The following NPIPB2 variants were observed in gnomAD, a reference collection of about 807,000 sequenced individuals.
NPIPB2 encodes nuclear pore complex-interacting protein family member B2.
Under a neutral mutation model 30.8 loss-of-function variants are expected in NPIPB2, and 27 were observed. The ratio of observed to expected loss-of-function variants is 0.88; its 90% CI spans 0.65 to 1.21. The LOEUF (loss-of-function observed/expected upper bound fraction) is 1.21. Ranked by LOEUF, NPIPB2 falls within the 50% of genes most tolerant of loss-of-function variation. The pLI is 0.00. For missense variants in NPIPB2, 440 were observed against 446.2 expected (o/e 0.99, Z 0.13); for synonymous variants, 147 against 162.0 (o/e 0.91, Z 0.70).
chr16:11,927,437 GA>G lies in NPIPB2; in HGVS notation c.1129del (p.Ser377HisfsTer10). On this transcript the variant is annotated frameshift_variant, in exon 8 of 8. Coordinates refer to ENST00000399147, the Ensembl canonical transcript of NPIPB2. LOFTEE classifies it high-confidence loss of function. The stretch of plus-strand genomic sequence containing the variant: ...CCTCCGCCTCTTGGGCTCGGGTGAT[GA>G]TGGTTCCACCTCAGCGGCCCTCCGC... 1 of 1,233,012 alleles carries G rather than the reference GA, an allele frequency of 8.1e-7. No individual in the cohort carries two copies. The highest frequency in any genetic ancestry group is 1.3e-5 in the South Asian group (1 of 77,778). The allele number at this position is 1,233,012 out of a possible 1,614,324, so 76.4% of individuals were successfully genotyped here.
At chr16:11,972,342 G>A (rs1038707724) in intron 1 of NPIPB2, among the ~76,000 whole-genome samples, 34 of 152,204 alleles carry the variant, frequency 2.2e-4, no homozygotes, top group African/African-American at 6.5e-4. Flanking sequence ...ATGGGAGGCC[G>A]AGGTGGGCAG....
intron 1 of NPIPB2, among the ~76,000 whole-genome samples, chr16:11,953,052 C>T (rs769805872): frequency 1.3e-5 from 2 of 152,150 alleles, no homozygotes; most frequent in African/African-American, 4.8e-5. Flanking sequence ...CGCTTCTGGT[C>T]CCTGTTCAGG....
At chr16:11,968,140 A>G in intron 1 of NPIPB2, 1 of 312,970 alleles carries the variant, frequency 3.2e-6, no homozygotes, top group Non-Finnish European at 5.9e-6. Flanking sequence ...AGGGTGGGAG[A>G]GAAAGGTGGG....
upstream of NPIPB2, among the ~76,000 whole-genome samples, chr16:11,943,147 C>T (rs1596496133): frequency 1.3e-5 from 2 of 151,660 alleles, no homozygotes; most frequent in East Asian, 3.9e-4. Flanking sequence ...TGGTGAAACC[C>T]TGTCTCTAAT....
intron 1 of NPIPB2, among the ~76,000 whole-genome samples, chr16:11,960,519 G>A (rs1383345534): frequency 6.6e-6 from 1 of 151,858 alleles, no homozygotes; most frequent in East Asian, 1.9e-4. Flanking sequence ...ACCATGCCCG[G>A]CTAATTTTTT....
At chr16:11,932,621 C>A (rs1251421103) in intron 4 of NPIPB2, among the ~76,000 whole-genome samples, 1 of 142,616 alleles carries the variant, frequency 7.0e-6, no homozygotes, top group African/African-American at 2.5e-5. Flanking sequence ...ACTAAAAATA[C>A]AAAAATTATC....
chr16:11,930,366 C>T (rs1832202254), intron 5 of NPIPB2, 84 bp downstream of exon 5: 3 of 1,224,678 alleles, frequency 2.4e-6, no homozygotes, highest in South Asian at 2.6e-5. Flanking sequence ...TCTGCATTTA[C>T]TGGGTCTAAA....
chr16:11,947,320 A>ATT (rs200920676), intron 1 of NPIPB2, among the ~76,000 whole-genome samples: 16 of 58,672 alleles, frequency 2.7e-4, no homozygotes, highest in Non-Finnish European at 5.6e-4. Flanking sequence ...TTATTTATTT[A>ATT]TTTATATATA....
intron 1 of NPIPB2, among the ~76,000 whole-genome samples, chr16:11,969,414 G>A (rs556094139): frequency 7.9e-5 from 12 of 151,838 alleles, no homozygotes; most frequent in Non-Finnish European, 1.3e-4. Context: ...CCGCCACTGC[G>A]CCTGGCTAAT....
At chr16:11,948,499 G>A (rs1308467520) in intron 1 of NPIPB2, among the ~76,000 whole-genome samples, 1 of 152,092 alleles carries the variant, frequency 6.6e-6, no homozygotes, top group African/African-American at 2.4e-5. Context: ...GGGCGCAGTG[G>A]CTCACACCTG....
chr16:11,931,607 C>T (rs1182527496), intron 4 of NPIPB2, among the ~76,000 whole-genome samples: 1 of 151,660 alleles, frequency 6.6e-6, no homozygotes, highest in East Asian at 1.9e-4. Context: ...AAGCTCACAG[C>T]TTAATGCAAA....
At chr16:11,971,004 C>A (rs1280720489) in intron 1 of NPIPB2, among the ~76,000 whole-genome samples, 1 of 151,980 alleles carries the variant, frequency 6.6e-6, no homozygotes, top group Non-Finnish European at 1.5e-5. Context: ...CAGGCATGTA[C>A]CACCATTCTC....
rs368570336 is a variant in NPIPB2, at chr16:11,970,540, T to C, written c.-584+6028A>G. ...CCAGTGTTTAAAATCAGCATTTTTT[T>C]TTTCTTTCTTTTGAGACACAGTTTC... On this transcript the variant is annotated intron_variant, in intron 1 of 5. Transcript: ENST00000538896. 1.2e-3 allele frequency among the ~76,000 whole-genome samples: 183 copies of C among 152,080 alleles called. 1 individual carries two copies. Among genetic ancestry groups the C allele is most frequent in the African/African-American group, 4.3e-3 (178 of 41,480 alleles).
rs570805085 is a variant in NPIPB2 at position 11,933,939 on chromosome 16, T to C, written c.193-15A>G. ...AGGAAAGACAACTAGGAAATAATAA[T>C]ATAAGAATGACGGCTGGGCACGGTG... On this transcript the variant is annotated splice_polypyrimidine_tract_variant and intron_variant, in intron 2 of 7. Transcript: ENST00000399147. The C allele has an allele frequency of 5.2e-6, 8 of 1,525,480 alleles. No homozygotes were observed. In the Admixed American group the frequency reaches 1.3e-4, roughly 25 times the overall value. 94.5% of individuals were successfully genotyped at this position (1,525,480 alleles called of 1,614,324 possible).
chr16:11,947,290 C>G (rs1392445042), intron 1 of NPIPB2, among the ~76,000 whole-genome samples: 1 of 124,196 alleles, frequency 8.1e-6, no homozygotes, highest in Non-Finnish European at 1.7e-5. Context: ...TAGGTACATA[C>G]ACATATTTTA....
At chr16:11,961,444 T>C (rs963167523) in intron 1 of NPIPB2, among the ~76,000 whole-genome samples, 3 of 152,206 alleles carry the variant, frequency 2.0e-5, no homozygotes, top group African/African-American at 7.2e-5. Context: ...ATTTCTGCAT[T>C]TTATTTTCAT....
Sources: gnomAD v4.1 joint callset for allele counts (sites outside exome capture counted in the v4.1 genomes callset) on GRCh38, gnomAD v4.1.1 for gene constraint, MANE v1.5 for transcripts, NCBI Gene and HGNC (gene_info 2026-07-23, HGNC 2026-07-21) for gene names.